PAH: variants seen among roughly 807,000 people sequenced by gnomAD.
PAH encodes phenylalanine hydroxylase.
A neutral mutation model predicts 62.0 loss-of-function variants in PAH; 64 were observed. The observed-to-expected ratio is 1.03, with a 90% CI of 0.84 to 1.27. The LOEUF (loss-of-function observed/expected upper bound fraction) is 1.27, where lower values mean the gene tolerates loss of function less well. PAH is among the 50% of genes most tolerant of loss of function. PAH has a pLI of 0.00. For missense variants in PAH, 579 were observed against 542.8 expected (o/e 1.07, Z -0.66); for synonymous variants, 195 against 196.2 (o/e 0.99, Z 0.05).
chr12:102,876,588 T>C (rs1011197520), intron 4 of PAH, among the ~76,000 whole-genome samples: 2 of 152,252 alleles, frequency 1.3e-5, no homozygotes, highest in African/African-American at 4.8e-5. Context: ...TTCACCGATG[T>C]AAATGGCTGC....
At chr12:102,897,950 T>C (rs1375451628) in intron 2 of PAH, among the ~76,000 whole-genome samples, 5 of 152,250 alleles carry the variant, frequency 3.3e-5, no homozygotes, top group African/African-American at 1.2e-4. Context: ...GCCACAGTTT[T>C]CTTGTAAAAC....
At chr12:102,950,821 G>A (rs1879726859) in exon 1 of PAH, 1 of 152,178 alleles carries the variant, frequency 6.6e-6, no homozygotes, top group Non-Finnish European at 1.5e-5. Flanking sequence ...CCCGCTTGGG[G>A]GCTGAGACTC....
At chr12:102,952,101 A>G (rs533627312), upstream of PAH, among the ~76,000 whole-genome samples, 1 of 152,288 alleles carries the variant, frequency 6.6e-6, no homozygotes, top group East Asian at 1.9e-4. Flanking sequence ...AAGCCGTACA[A>G]CAAAGCACTA....
chr12:102,852,688 T>C, intron 7 of PAH, 127 bp downstream of exon 7: 1 of 1,153,340 alleles, frequency 8.7e-7, no homozygotes, highest in African/African-American at 1.5e-5. Context: ...TTTTTAGTAC[T>C]ACCAGCAAAC....
intron 9 of PAH, 39 bp downstream of exon 9, chr12:102,846,856 T>C (rs2136639392): frequency 6.4e-7 from 1 of 1,560,558 alleles, no homozygotes; most frequent in East Asian, 2.2e-5. Context: ...CCATAGCCTA[T>C]AGCACTCCAC....
Position 102,851,724 on chromosome 12 carries a change from G to A in PAH, c.875C>T (p.Pro292Leu), listed in dbSNP as rs1200240274. The A allele has an allele frequency of 6.2e-7, 1 of 1,613,948 alleles. No individual in the cohort carries two copies. Among genetic ancestry groups the A allele is most frequent in the Non-Finnish European group, 8.5e-7 (1 of 1,179,974 alleles). Reference protein sequence around the residue: ...DICHELLGHVPLFSDRSFAQF... With the variant: ...DICHELLGHVLLFSDRSFAQF... The stretch of plus-strand genomic sequence containing the variant: ...GGCAAAGCTGCGATCTGAAAACAAG[G>A]GCACATGTCCCAACAGCTCATGGCA... The change falls in exon 8 of 13, where the codon CCC becomes CTC. Residue 292 changes from proline to leucine, a missense_variant. Pro to Leu is a moderately conservative substitution (Grantham distance 98, BLOSUM62 -3). Transcript: ENST00000553106.
Position 102,852,308 on chromosome 12 carries a change from A to C in PAH, c.842+507T>G, listed in dbSNP as rs185115854. On this transcript the variant is annotated intron_variant, in intron 7 of 12. Transcript: ENST00000553106. ...TTTGTAGCAATGAACTTTATGGGCA[A>C]GGAAAAACAATTTTGGATGTTCCAT... 4.6e-5 allele frequency: 9 copies of C among 196,840 alleles called. No individual in the cohort carries two copies. The East Asian group carries it at 1.1e-3, about 23-fold the overall frequency. 12.2% of individuals were successfully genotyped at this position (196,840 alleles called of 1,614,324 possible).
At chr12:102,894,459 T>C (rs946068412) in intron 3 of PAH, among the ~76,000 whole-genome samples, 2 of 147,398 alleles carry the variant, frequency 1.4e-5, no homozygotes, top group African/African-American at 5.0e-5. Flanking sequence ...GAAATAGCTA[T>C]CTTTAGGAAG....
intron 1 of PAH, among the ~76,000 whole-genome samples, chr12:102,933,442 G>A (rs1371275947): frequency 6.6e-6 from 1 of 152,082 alleles, no homozygotes; most frequent in Non-Finnish European, 1.5e-5. Context: ...ACATGGGCAT[G>A]CAGATTTCTC....
chr12:102,943,170 C>T (rs61943189), intron 1 of PAH, among the ~76,000 whole-genome samples: 10,343 of 152,096 alleles, frequency 0.068, 394 homozygotes, highest in Admixed American at 0.11. Flanking sequence ...TTGCAAACTA[C>T]GCATCCAACA....
In PAH at chr12:102,894,875, C is replaced by T. The variant is rs62508695; in HGVS notation, c.212G>A (p.Arg71His). Residue 71 changes from arginine to histidine, a missense_variant, in exon 3 of 13, where the codon CGT (arginine) becomes CAT (histidine). Transcript: ENST00000553106. ...NLTHIESRPS[R>H]LKKDEYEFFT... ...AAATTCATACTCATCTTTCTTTAAA[C>T]GAGAAGGTCTAGATTCAATGTGGGT... 8.1e-6 allele frequency: 13 copies of T among 1,613,628 alleles called. No individual in the cohort carries two copies. The highest frequency in any genetic ancestry group is 4.4e-5 in the South Asian group (4 of 91,072).
intron 1 of PAH, chr12:102,946,001 C>G (rs112406237): frequency 2.6e-5 from 4 of 152,406 alleles, no homozygotes; most frequent in African/African-American, 9.6e-5. Context: ...GGGTCCTTCA[C>G]TTCAAGGTAG....
intron 1 of PAH, among the ~76,000 whole-genome samples, chr12:102,922,833 A>T (rs75925785): frequency 0.016 from 2,469 of 152,302 alleles, 58 homozygotes; most frequent in African/African-American, 0.053. Flanking sequence ...CCTTTAGAGG[A>T]TGACCATATA....
chr12:102,937,123 A>G (rs1379454250), intron 1 of PAH, among the ~76,000 whole-genome samples: 1 of 152,142 alleles, frequency 6.6e-6, no homozygotes, highest in Non-Finnish European at 1.5e-5. Flanking sequence ...AAGTTTCCCA[A>G]GGCCTCCCCA....
Position 102,917,196 on chromosome 12 carries a change from G to C in PAH, c.-66C>G. On this transcript the variant is annotated 5_prime_UTR_variant, in exon 1 of 13. Coordinates refer to ENST00000553106, the MANE Select transcript of PAH (RefSeq NM_000277.3). ...TCAGGTACAGGCAGGTTTGCAAACA[G>C]CACGTGGGGCTGAAGGTTTTAACCT... 3 of 1,412,078 alleles carry C rather than the reference G, an allele frequency of 2.1e-6. No individual in the cohort carries two copies. The highest frequency in any genetic ancestry group is 3.0e-6 in the Non-Finnish European group (3 of 997,298). 87.5% of individuals were successfully genotyped at this position (1,412,078 alleles called of 1,614,324 possible).
chr12:102,868,153 T>TAC lies in PAH; in HGVS notation c.442-1492_442-1491dup, dbSNP rs1266292324. Among the ~76,000 whole-genome samples the TAC allele has an allele frequency of 1.3e-3, 9 of 6,970 alleles. 1 individual carries two copies. Among genetic ancestry groups the TAC allele is most frequent in the Non-Finnish European group, 1.9e-3 (8 of 4,282 alleles). 4.6% of individuals were successfully genotyped at this position (6,970 alleles called of 152,430 possible). ...ATATATATATATATATATATATATA[T>TAC]ACACATATATATACATATATGTGTA... On this transcript the variant is annotated intron_variant, in intron 4 of 12. Coordinates refer to ENST00000553106, the MANE Select transcript of PAH (RefSeq NM_000277.3).
chr12:102,892,319 T>G (rs1390931916), intron 3 of PAH, among the ~76,000 whole-genome samples: 1 of 152,214 alleles, frequency 6.6e-6, no homozygotes, highest in East Asian at 1.9e-4. Flanking sequence ...TCAGCTATGG[T>G]GCCTGAACTC....
intron 1 of PAH, among the ~76,000 whole-genome samples, chr12:102,941,269 G>T (rs1484013447): frequency 1.3e-5 from 2 of 152,092 alleles, no homozygotes; most frequent in East Asian, 1.9e-4. Flanking sequence ...GTAACAACCA[G>T]CTAATAACAC....
chr12:102,837,510 G>C lies in PAH; in HGVS notation c.*1665C>G, dbSNP rs1455085229. The C allele has an allele frequency of 1.3e-5, 2 of 152,132 alleles. No homozygotes were observed. The highest frequency in any genetic ancestry group is 4.8e-5 in the African/African-American group (2 of 41,438). 9.4% of individuals were successfully genotyped at this position (152,132 alleles called of 1,614,324 possible). ...TTTAAAATCAGTGGGTTTTACAAAG[G>C]CATAAACATAGATACAGGCATAAAA... On this transcript the variant is annotated 3_prime_UTR_variant, in exon 13 of 13. Coordinates refer to ENST00000553106, the MANE Select transcript of PAH (RefSeq NM_000277.3).
Sources: gnomAD v4.1 joint callset for allele counts (sites outside exome capture counted in the v4.1 genomes callset) on GRCh38, gnomAD v4.1.1 for gene constraint, MANE v1.5 for transcripts, NCBI Gene and HGNC (gene_info 2026-07-23, HGNC 2026-07-21) for gene names.